The following MORN5 variants were observed in gnomAD, a reference collection of about 807,000 sequenced individuals.
MORN5 encodes the protein MORN repeat-containing protein 5.
A neutral mutation model predicts 22.1 loss-of-function variants in MORN5; 21 were observed. The ratio of observed to expected loss-of-function variants is 0.95; its 90% CI spans 0.67 to 1.37. The LOEUF is 1.37. MORN5 is among the 40% of genes most tolerant of loss of function. The pLI, the probability that MORN5 is intolerant of heterozygous loss-of-function variation, is 0.00. For missense variants in MORN5, 211 were observed against 215.1 expected (o/e 0.98, Z 0.12); for synonymous variants, 73 against 74.0 (o/e 0.99, Z 0.07).
intron 4 of MORN5, among the ~76,000 whole-genome samples, chr9:122,186,123 C>T (rs754771734): frequency 1.3e-5 from 2 of 152,228 alleles, no homozygotes; most frequent in Non-Finnish European, 2.9e-5. Flanking sequence ...TGCCAGCAGA[C>T]GCGCATTTGC....
chr9:122,169,554 C>G, intron 2 of MORN5, 91 bp from the exon 3 acceptor site: 1 of 807,482 alleles, frequency 1.2e-6, no homozygotes, highest in Non-Finnish European at 2.2e-6. Flanking sequence ...CTGCAGCCAT[C>G]AGAAAGGCCC....
chr9:122,165,580 A>G (rs768103741), intron 1 of MORN5, among the ~76,000 whole-genome samples: 21 of 151,970 alleles, frequency 1.4e-4, no homozygotes, highest in Non-Finnish European at 2.4e-4. Context: ...GTCTTGGGAA[A>G]AAAACAAAAA....
intron 4 of MORN5, among the ~76,000 whole-genome samples, chr9:122,187,235 C>T (rs1241257250): frequency 6.6e-6 from 1 of 152,236 alleles, no homozygotes; most frequent in Non-Finnish European, 1.5e-5. Flanking sequence ...CTCCTTAACT[C>T]CACATCCCAA....
At chr9:122,179,092 C>T (rs140183647) in intron 4 of MORN5, among the ~76,000 whole-genome samples, 223 of 152,190 alleles carry the variant, frequency 1.5e-3, no homozygotes, top group Middle Eastern at 3.4e-3. Context: ...CAGACGAATG[C>T]AGCAGGGTTG....
intron 2 of MORN5, among the ~76,000 whole-genome samples, chr9:122,168,628 A>C (rs1206216229): frequency 6.6e-6 from 1 of 152,178 alleles, no homozygotes; most frequent in African/African-American, 2.4e-5. Context: ...CAATTTCTAC[A>C]TCCTGAGGCT....
At chr9:122,176,117 CAAAAAA>C (rs747126842) in intron 4 of MORN5, among the ~76,000 whole-genome samples, 1 of 51,386 alleles carries the variant, frequency 1.9e-5, no homozygotes, top group Non-Finnish European at 4.2e-5. Context: ...GACTCCGTCT[CAAAAAA>C]AAAAAAAAAA....
At chr9:122,198,014 AGTGAT>A (rs1829933829) in intron 4 of MORN5, among the ~76,000 whole-genome samples, 1 of 152,154 alleles carries the variant, frequency 6.6e-6, no homozygotes, top group Non-Finnish European at 1.5e-5. Context: ...GCAGGTGGTT[AGTGAT>A]GTGGAGGCAG....
intron 2 of MORN5, 114 bp from the exon 3 acceptor site, chr9:122,169,531 T>TA (rs1190278140): frequency 1.4e-6 from 1 of 699,900 alleles, no homozygotes; most frequent in Non-Finnish European, 2.6e-6. Context: ...TTGTGATAGT[T>TA]ACCACTTCTT....
At chr9:122,163,417 G>C (rs1829231175) in intron 1 of MORN5, among the ~76,000 whole-genome samples, 1 of 152,224 alleles carries the variant, frequency 6.6e-6, no homozygotes. Flanking sequence ...CTACAATAGA[G>C]CCCTGCTGCT....
intron 4 of MORN5, among the ~76,000 whole-genome samples, chr9:122,193,849 A>T (rs1829829046): frequency 6.6e-6 from 1 of 152,082 alleles, no homozygotes; most frequent in Admixed American, 6.5e-5. Flanking sequence ...CGGTGGCTGC[A>T]TTTTACAGTG....
At chr9:122,191,158 G>A (rs1371820635) in intron 4 of MORN5, among the ~76,000 whole-genome samples, 1 of 152,188 alleles carries the variant, frequency 6.6e-6, no homozygotes, top group Non-Finnish European at 1.5e-5. Context: ...TGCACGTGAT[G>A]ACACACACTG....
chr9:122,186,697 T>G (rs1588311166), intron 4 of MORN5, among the ~76,000 whole-genome samples: 2 of 152,004 alleles, frequency 1.3e-5, no homozygotes, highest in East Asian at 3.9e-4. Flanking sequence ...GCCCCCCGAC[T>G]CCCCCACGGC....
rs536226722 is a variant in MORN5 at position 122,197,820 on chromosome 9, T to G, written c.440-2065T>G. ...TGCTCACAGTGTGGCAAAAGTGGGC[T>G]CCACCAGCGCTTAACTCCTTGTGTG... On this transcript the variant is annotated intron_variant, in intron 4 of 4. Transcript: ENST00000373764. The surrounding 1 kb of genome is among the most constrained non-coding windows in gnomAD (Gnocchi z 5.7). 7.2e-4 allele frequency among the ~76,000 whole-genome samples: 109 copies of G among 152,292 alleles called. No individual in the cohort carries two copies. The highest frequency in any genetic ancestry group is 2.6e-3 in the African/African-American group (107 of 41,556).
rs557781189 is a variant in MORN5 at position 122,169,098 on chromosome 9, A to C, written c.196-547A>C. The stretch of plus-strand genomic sequence containing the variant: ...GGCGCTTCCTCTGCCTTTTTGTTCT[A>C]TCCAGACCCTCAACGGATTGTATGG... On this transcript the variant is annotated intron_variant, in intron 2 of 4. Transcript: ENST00000373764. Among the ~76,000 whole-genome samples the C allele has an allele frequency of 2.7e-4, 41 of 152,274 alleles. No individual in the cohort carries two copies. In the South Asian group the frequency reaches 7.9e-3, roughly 29 times the overall value.
chr9:122,166,493 C>T (rs1338469993), intron 1 of MORN5, among the ~76,000 whole-genome samples: 1 of 151,948 alleles, frequency 6.6e-6, no homozygotes, highest in Non-Finnish European at 1.5e-5. Context: ...GCTCTCTGGG[C>T]CTACTAGGGG....
chr9:122,174,997 T>A, intron 4 of MORN5: 2 of 433,662 alleles, frequency 4.6e-6, no homozygotes, highest in Non-Finnish European at 6.1e-6. Context: ...CCCTTCCTTG[T>A]GGAGCTTGCA....
intron 3 of MORN5, among the ~76,000 whole-genome samples, 197 bp from the exon 4 acceptor site, chr9:122,174,299 C>T (rs1297237129): frequency 6.6e-6 from 1 of 152,172 alleles, no homozygotes; most frequent in Non-Finnish European, 1.5e-5. Context: ...AGACCCTGTT[C>T]CCAAGAGCCA....
chr9:122,194,890 C>T (rs1362247150), intron 4 of MORN5, among the ~76,000 whole-genome samples: 2 of 152,066 alleles, frequency 1.3e-5, no homozygotes, highest in Middle Eastern at 3.4e-3. Flanking sequence ...TGTGGTGGCA[C>T]GGGCCTGTGA....
At chr9:122,164,974 G>A (rs1430814451) in intron 1 of MORN5, among the ~76,000 whole-genome samples, 3 of 152,126 alleles carry the variant, frequency 2.0e-5, no homozygotes, top group East Asian at 1.9e-4. Context: ...CTGCTTAATG[G>A]TTCTAGGAGC....
Sources: gnomAD v4.1 joint callset for allele counts (sites outside exome capture counted in the v4.1 genomes callset) on GRCh38, gnomAD v4.1.1 for gene constraint, Gnocchi (gnomAD v3.1) non-coding constraint, MANE v1.5 for transcripts, NCBI Gene and HGNC (gene_info 2026-07-23, HGNC 2026-07-21) for gene names.